Variants in PDGFRL observed in about 807,000 individuals in gnomAD.
PDGFRL encodes platelet-derived growth factor receptor-like protein.
A neutral mutation model predicts 37.2 loss-of-function variants in PDGFRL; 46 were observed. The observed-to-expected ratio is 1.24, with a 90% CI of 0.98 to 1.58. PDGFRL has a LOEUF of 1.58. Among genes scored for constraint, PDGFRL ranks in the 40% most tolerant of loss-of-function variants. The pLI is 0.00. For missense variants in PDGFRL, 692 were observed against 467.6 expected (o/e 1.48, Z -4.43); for synonymous variants, 251 against 184.3 (o/e 1.36, Z -2.93).
intron 2 of PDGFRL, among the ~76,000 whole-genome samples, chr8:17,608,396 A>G (rs1455611988): frequency 1.3e-5 from 2 of 152,176 alleles, no homozygotes; most frequent in Non-Finnish European, 2.9e-5. Context: ...GAGTCAACCA[A>G]CATTGATACA....
chr8:17,600,884 G>A lies in PDGFRL; in HGVS notation c.353+11119G>A, dbSNP rs144064601. On this transcript the variant is annotated intron_variant, in intron 2 of 5. Coordinates refer to ENST00000251630, the MANE Select transcript of PDGFRL (RefSeq NM_001372073.1). ...GTAGTCCCAGCTACTTGGGAGGCTC[G>A]GATGGTAAGATAGTTTGGGCCCAGG... Among the ~76,000 whole-genome samples, 439 of 151,920 alleles carry A rather than the reference G, an allele frequency of 2.9e-3. 4 individuals carry two copies. Among genetic ancestry groups the A allele is most frequent in the African/African-American group, 0.01 (422 of 41,404 alleles).
chr8:17,617,585 G>A (rs999494902), intron 2 of PDGFRL, among the ~76,000 whole-genome samples: 5 of 152,150 alleles, frequency 3.3e-5, no homozygotes, highest in African/African-American at 7.2e-5. Context: ...TGGTAGAAAT[G>A]GACATTCTAA....
intron 2 of PDGFRL, among the ~76,000 whole-genome samples, chr8:17,594,750 T>TA (rs1330024905): frequency 1.3e-5 from 2 of 152,038 alleles, no homozygotes; most frequent in Non-Finnish European, 2.9e-5. Flanking sequence ...AGACAGGGTT[T>TA]CACCGTGGTC....
At chr8:17,595,044 T>G (rs1804022805) in intron 2 of PDGFRL, among the ~76,000 whole-genome samples, 1 of 152,138 alleles carries the variant, frequency 6.6e-6, no homozygotes, top group African/African-American at 2.4e-5. Flanking sequence ...ATGTTGATTT[T>G]ACTGTTTGTG....
intron 2 of PDGFRL, among the ~76,000 whole-genome samples, chr8:17,590,253 A>AAAAAAAC (rs1356419901): frequency 1.5e-4 from 22 of 144,628 alleles, no homozygotes; most frequent in African/African-American, 5.8e-4. Flanking sequence ...AAAAAAAAAA[A>AAAAAAAC]AAATTGCAAA....
At chr8:17,591,133 C>A (rs568402865) in intron 2 of PDGFRL, among the ~76,000 whole-genome samples, 1 of 152,062 alleles carries the variant, frequency 6.6e-6, no homozygotes, top group East Asian at 1.9e-4. Context: ...CCGCCTGCCT[C>A]GGCCTCCCAA....
chr8:17,624,965 A>G (rs554834037), intron 3 of PDGFRL, among the ~76,000 whole-genome samples: 18 of 148,270 alleles, frequency 1.2e-4, no homozygotes, highest in Non-Finnish European at 2.7e-4. Flanking sequence ...GTTAACTTGC[A>G]TTTATTTATT....
intron 2 of PDGFRL, among the ~76,000 whole-genome samples, chr8:17,613,918 A>G (rs1374853325): frequency 6.6e-6 from 1 of 152,216 alleles, no homozygotes; most frequent in Non-Finnish European, 1.5e-5. Context: ...AATCTGGCAT[A>G]AGTGATTGCA....
At chr8:17,591,141 C>G (rs1803930552) in intron 2 of PDGFRL, among the ~76,000 whole-genome samples, 1 of 152,126 alleles carries the variant, frequency 6.6e-6, no homozygotes, top group Admixed American at 6.5e-5. Context: ...CTCGGCCTCC[C>G]AAAGTGCTGG....
intron 1 of PDGFRL, among the ~76,000 whole-genome samples, chr8:17,587,134 C>T (rs1803835323): frequency 6.6e-6 from 1 of 152,182 alleles, no homozygotes; most frequent in Non-Finnish European, 1.5e-5. Context: ...GCTCCTTTAG[C>T]TTTGCATCAT....
intron 2 of PDGFRL, among the ~76,000 whole-genome samples, chr8:17,609,654 A>AAT (rs1454821945): frequency 2.0e-5 from 2 of 102,432 alleles, no homozygotes; most frequent in Non-Finnish European, 2.1e-5. Flanking sequence ...AAAAAAAAAA[A>AAT]AAAAAAAAAA....
At chr8:17,619,198 C>T (rs896101385) in intron 2 of PDGFRL, among the ~76,000 whole-genome samples, 2 of 152,152 alleles carry the variant, frequency 1.3e-5, no homozygotes, top group East Asian at 1.9e-4. Context: ...TTTGGATGTT[C>T]GAGATGAGTC....
At chr8:17,612,733 T>C (rs944211449) in intron 2 of PDGFRL, among the ~76,000 whole-genome samples, 4 of 152,144 alleles carry the variant, frequency 2.6e-5, no homozygotes, top group African/African-American at 4.8e-5. Flanking sequence ...TTAAAAACTA[T>C]AAATAAGCAA....
chr8:17,589,686 G>GCTGGCGGGGCAAAGCTC lies in PDGFRL; in HGVS notation c.274_275insCTGGCGGGGCAAAGCTC (p.Val92AlafsTer7). On this transcript the variant is annotated frameshift_variant, in exon 2 of 6. Coordinates refer to ENST00000251630, the MANE Select transcript of PDGFRL (RefSeq NM_001372073.1). LOFTEE classifies it high-confidence loss of function. Reference sequence around the variant, plus strand: ...CCTGAGTCTGCTGGCGGGGCAAACTGTAGAGCTTCGATGTAAAGGGAGTAG... The same window carrying GCTGGCGGGGCAAAGCTC: ...CCTGAGTCTGCTGGCGGGGCAAACTGCTGGCGGGGCAAAGCTCTAGAGCTTCGATGTAAAGGGAGTAG... 1 of 1,613,560 alleles carries GCTGGCGGGGCAAAGCTC rather than the reference G, an allele frequency of 6.2e-7. No individual in the cohort carries two copies. Among genetic ancestry groups the GCTGGCGGGGCAAAGCTC allele is most frequent in the South Asian group, 1.1e-5 (1 of 91,056 alleles).
intron 2 of PDGFRL, among the ~76,000 whole-genome samples, chr8:17,593,595 T>G (rs1396677780): frequency 1.4e-5 from 2 of 138,504 alleles, no homozygotes; most frequent in Admixed American, 7.4e-5. Flanking sequence ...TGAGACTGTT[T>G]CAAAAAAAAA....
chr8:17,598,082 T>C (rs1232351344), intron 2 of PDGFRL, among the ~76,000 whole-genome samples: 1 of 152,224 alleles, frequency 6.6e-6, no homozygotes, highest in Non-Finnish European at 1.5e-5. Flanking sequence ...GGTTCATATG[T>C]GTAACACAGA....
chr8:17,601,140 C>T (rs1804158084), intron 2 of PDGFRL, among the ~76,000 whole-genome samples: 1 of 152,238 alleles, frequency 6.6e-6, no homozygotes, highest in African/African-American at 2.4e-5. Flanking sequence ...CTCCCGCATC[C>T]AACCAATGAT....
chr8:17,608,542 A>G (rs1804335004), intron 2 of PDGFRL, among the ~76,000 whole-genome samples: 1 of 152,208 alleles, frequency 6.6e-6, no homozygotes, highest in South Asian at 2.1e-4. Flanking sequence ...CAAGAGCCGG[A>G]GGGGTGACCA....
intron 2 of PDGFRL, among the ~76,000 whole-genome samples, chr8:17,614,726 G>C (rs1804489387): frequency 6.6e-6 from 1 of 152,286 alleles, no homozygotes; most frequent in Middle Eastern, 3.4e-3. Flanking sequence ...CTATAGGCTG[G>C]CATCGTGACA....
Sources: allele counts gnomAD v4.1 joint callset (sites outside exome capture counted in the v4.1 genomes callset), GRCh38; gene constraint gnomAD v4.1.1; transcripts MANE v1.5; gene names NCBI Gene and HGNC (gene_info 2026-07-23, HGNC 2026-07-21).